The following PREP variants were observed in gnomAD, a reference collection of about 807,000 sequenced individuals.
PREP encodes dJ355L5.1 (prolyl endopeptidase).
A neutral mutation model predicts 87.6 loss-of-function variants in PREP; 29 were observed. The observed-to-expected ratio is 0.33, with a 90% CI of 0.25 to 0.45. PREP has a LOEUF of 0.45. Among genes scored for constraint, PREP ranks in the 20% least tolerant of loss-of-function variants. PREP has a pLI of 1.00. For missense variants in PREP, 695 were observed against 886.5 expected (o/e 0.78, Z 2.74); for synonymous variants, 337 against 328.6 (o/e 1.03, Z -0.28).
chr6:105,290,344 A>G (rs1770275505), intron 10 of PREP, among the ~76,000 whole-genome samples: 1 of 152,204 alleles, frequency 6.6e-6, no homozygotes, highest in Non-Finnish European at 1.5e-5. Flanking sequence ...TCACAGCACT[A>G]TACCCGCAGA....
At chr6:105,293,687 T>C (rs998601869) in intron 10 of PREP, among the ~76,000 whole-genome samples, 22 of 152,120 alleles carry the variant, frequency 1.4e-4, no homozygotes, top group Admixed American at 3.3e-4. Flanking sequence ...CGTATAAATA[T>C]TTTATCAAAT....
At chr6:105,335,225 G>A (rs778812467) in intron 7 of PREP, among the ~76,000 whole-genome samples, 7 of 152,138 alleles carry the variant, frequency 4.6e-5, no homozygotes, top group Non-Finnish European at 1.0e-4. Context: ...CACCTCAAAA[G>A]TTCTATAAAC....
Position 105,336,951 on chromosome 6 carries a change from T to C in PREP, c.824-3446A>G, listed in dbSNP as rs537889669. ...TCCTCCTTAGCCTAATAACTGAATT[T>C]TTAATGTTAATAATCATTTTTTTTT... is the stretch of plus-strand genomic sequence containing the variant. On this transcript the variant is annotated intron_variant, in intron 7 of 14. Coordinates refer to ENST00000652536, the MANE Select transcript of PREP (RefSeq NM_002726.5). Among the ~76,000 whole-genome samples the C allele has an allele frequency of 2.6e-5, 4 of 151,758 alleles. No homozygotes were observed. The South Asian group carries it at 6.3e-4, about 24-fold the overall frequency.
chr6:105,298,859 G>A (rs1380325370), intron 10 of PREP: 1 of 152,352 alleles, frequency 6.6e-6, no homozygotes, highest in Admixed American at 6.5e-5. Flanking sequence ...AGTGGCAAAA[G>A]GCAGAGGTCA....
chr6:105,305,120 T>G (rs921214161), intron 10 of PREP, among the ~76,000 whole-genome samples: 1 of 152,326 alleles, frequency 6.6e-6, no homozygotes, highest in Admixed American at 6.5e-5. Context: ...TTACTTGTTT[T>G]ATTGTAAGTA....
At chr6:105,393,043 A>G (rs1335275789) in intron 2 of PREP, among the ~76,000 whole-genome samples, 1 of 152,212 alleles carries the variant, frequency 6.6e-6, no homozygotes, top group Non-Finnish European at 1.5e-5. Flanking sequence ...CAGACTGAAA[A>G]GGTATGGTGG....
chr6:105,311,349 TC>T (rs1447429570), intron 10 of PREP, among the ~76,000 whole-genome samples: 2 of 151,972 alleles, frequency 1.3e-5, no homozygotes, highest in African/African-American at 2.4e-5. Context: ...CTTCATCCAC[TC>T]CCCCCTTACT....
chr6:105,317,149 A>G (rs1477123818), intron 10 of PREP, among the ~76,000 whole-genome samples: 1 of 151,432 alleles, frequency 6.6e-6, no homozygotes, highest in East Asian at 1.9e-4. Flanking sequence ...GTAGAAATGG[A>G]GTCTTGCTAT....
chr6:105,290,648 T>C lies in PREP; in HGVS notation c.1318-1754A>G, dbSNP rs552365146. Among the ~76,000 whole-genome samples, 3 of 152,254 alleles carry C rather than the reference T, an allele frequency of 2.0e-5. No homozygotes were observed. In the South Asian group the frequency reaches 6.2e-4, roughly 32 times the overall value. The stretch of plus-strand genomic sequence containing the variant: ...GACAATTCAACTTCCTCCTCCCATA[T>C]CACTTTTCTTGCTACCATCTGTAAG... On this transcript the variant is annotated intron_variant, in intron 10 of 14. Transcript: ENST00000652536.
chr6:105,296,443 T>C (rs1770415321), intron 10 of PREP, among the ~76,000 whole-genome samples: 1 of 152,202 alleles, frequency 6.6e-6, no homozygotes, highest in African/African-American at 2.4e-5. Context: ...TTAATATTTA[T>C]GTACCCAAAT....
intron 2 of PREP, 142 bp downstream of exon 2, chr6:105,397,711 G>C: frequency 1.6e-6 from 1 of 611,180 alleles, no homozygotes. Flanking sequence ...TTGACAAAAA[G>C]TAGTGGTAAC....
intron 10 of PREP, among the ~76,000 whole-genome samples, chr6:105,307,623 T>G (rs1486196960): frequency 5.3e-5 from 8 of 152,212 alleles, no homozygotes; most frequent in Admixed American, 2.0e-4. Context: ...CAGTCATTCT[T>G]TTCTTTTGAG....
chr6:105,367,053 T>C (rs2114700970), intron 6 of PREP, among the ~76,000 whole-genome samples: 1 of 152,320 alleles, frequency 6.6e-6, no homozygotes, highest in South Asian at 2.1e-4. Flanking sequence ...ATGAACTTAA[T>C]GCCACTGAAC....
chr6:105,338,236 C>G (rs568280180), intron 7 of PREP, among the ~76,000 whole-genome samples: 1 of 152,200 alleles, frequency 6.6e-6, no homozygotes, highest in Non-Finnish European at 1.5e-5. Context: ...CACAAAATAA[C>G]CACCTTATGG....
chr6:105,384,701 GAC>G (rs566831133), intron 2 of PREP, among the ~76,000 whole-genome samples: 77 of 152,254 alleles, frequency 5.1e-4, no homozygotes, highest in African/African-American at 1.7e-3. Context: ...CTTTTTTAGG[GAC>G]AGAGATGAGT....
At chr6:105,306,836 C>T (rs752305274) in intron 10 of PREP, among the ~76,000 whole-genome samples, 3 of 146,458 alleles carry the variant, frequency 2.0e-5, no homozygotes, top group Non-Finnish European at 4.5e-5. Context: ...TGGCCTGATA[C>T]GAATCCTACA....
At chr6:105,351,193 G>A (rs1023034747) in intron 7 of PREP, among the ~76,000 whole-genome samples, 1 of 152,182 alleles carries the variant, frequency 6.6e-6, no homozygotes, top group Non-Finnish European at 1.5e-5. Flanking sequence ...ATAATCCATT[G>A]ACTTTAATGA....
intron 2 of PREP, among the ~76,000 whole-genome samples, chr6:105,379,772 G>C (rs541190375): frequency 9.1e-4 from 139 of 152,314 alleles, no homozygotes; most frequent in African/African-American, 3.2e-3. Context: ...TCGTGGCATT[G>C]TGGATGGATA....
At chr6:105,292,613 G>A (rs994836206) in intron 10 of PREP, among the ~76,000 whole-genome samples, 6 of 152,144 alleles carry the variant, frequency 3.9e-5, no homozygotes, top group African/African-American at 1.2e-4. Flanking sequence ...ATGAACACTG[G>A]CTTAGCCCCT....
Sources: allele counts gnomAD v4.1 joint callset (sites outside exome capture counted in the v4.1 genomes callset), GRCh38; gene constraint gnomAD v4.1.1; transcripts MANE v1.5; gene names NCBI Gene and HGNC (gene_info 2026-07-23, HGNC 2026-07-21).